Variants in ACOXL observed in about 807,000 individuals in gnomAD.
The protein encoded by ACOXL is acyl-CoA oxidase like, also known as acyl-coenzyme A oxidase-like protein.
ACOXL carries 70 observed loss-of-function variants against 71.9 expected under a neutral mutation model. The observed-to-expected ratio is 0.97, with a 90% confidence interval of 0.80 to 1.19. The LOEUF (loss-of-function observed/expected upper bound fraction) is 1.19, where lower values mean the gene tolerates loss of function less well. ACOXL is among the 50% of genes most tolerant of loss of function. The probability of loss-of-function intolerance (pLI) is 0.00; values close to 1 mark genes in which losing one functional copy is unlikely to be tolerated. For missense variants in ACOXL, 703 were observed against 736.3 expected (o/e 0.95, Z 0.52); for synonymous variants, 253 against 281.6 (o/e 0.90, Z 1.02).
rs567322224 is a variant in ACOXL, at chr2:111,072,840, T to C, written c.1441-20025T>C. 2.0e-5 allele frequency among the ~76,000 whole-genome samples: 3 copies of C among 152,342 alleles called. No individual in the cohort carries two copies. In the South Asian group the frequency reaches 6.2e-4, roughly 32 times the overall value. On this transcript the variant is annotated intron_variant, in intron 16 of 17. Coordinates refer to ENST00000439055, the MANE Select transcript of ACOXL (RefSeq NM_001142807.4). ...ACCCAGGAATGAATTTACTGGATTA[T>C]ATGGCAAGCATATAACTTTAGAAGA... is the stretch of plus-strand genomic sequence containing the variant.
At chr2:111,029,140 G>A (rs754053784) in intron 14 of ACOXL, among the ~76,000 whole-genome samples, 1 of 152,212 alleles carries the variant, frequency 6.6e-6, no homozygotes, top group Non-Finnish European at 1.5e-5. Flanking sequence ...GTTTTCTGGT[G>A]CATTTTTAAG....
chr2:111,031,828 C>G, intron 15 of ACOXL, 114 bp downstream of exon 15: 1 of 1,076,472 alleles, frequency 9.3e-7, no homozygotes, highest in South Asian at 1.4e-5. Flanking sequence ...AGGGACAGTC[C>G]GTGTGTTGAA....
chr2:110,998,462 C>T (rs1434805912), intron 14 of ACOXL, among the ~76,000 whole-genome samples: 1 of 152,194 alleles, frequency 6.6e-6, no homozygotes, highest in Non-Finnish European at 1.5e-5. Context: ...TTTAAGTGAA[C>T]CCACAGCAAG....
intron 12 of ACOXL, among the ~76,000 whole-genome samples, chr2:110,986,424 A>G (rs1558829251): frequency 6.6e-6 from 1 of 152,194 alleles, no homozygotes; most frequent in African/African-American, 2.4e-5. Context: ...AGCTCACACG[A>G]CGTGGTTTTT....
At chr2:110,870,310 A>G (rs1464205265) in intron 10 of ACOXL, among the ~76,000 whole-genome samples, 2 of 150,726 alleles carry the variant, frequency 1.3e-5, no homozygotes, top group East Asian at 1.9e-4. Flanking sequence ...GTGTAGTGCC[A>G]TCGACTTCCT....
intron 10 of ACOXL, among the ~76,000 whole-genome samples, chr2:110,900,849 TG>T (rs1184662014): frequency 6.6e-6 from 1 of 152,210 alleles, no homozygotes; most frequent in Non-Finnish European, 1.5e-5. Context: ...GTGACCCTAC[TG>T]GTCCTTGTCA....
chr2:110,872,051 C>T (rs80099752), intron 10 of ACOXL, among the ~76,000 whole-genome samples: 6 of 152,226 alleles, frequency 3.9e-5, no homozygotes, highest in South Asian at 2.1e-4. Context: ...GTTGTTCACA[C>T]AAGCTGCATG....
chr2:110,915,580 C>T (rs1016987583), intron 11 of ACOXL, among the ~76,000 whole-genome samples: 4 of 151,346 alleles, frequency 2.6e-5, no homozygotes, highest in Non-Finnish European at 4.4e-5. Flanking sequence ...ACTGCAACCA[C>T]ACCCAGCTAA....
chr2:110,754,341 A>G (rs72830995), intron 1 of ACOXL, among the ~76,000 whole-genome samples: 8,154 of 152,022 alleles, frequency 0.054, 342 homozygotes, highest in African/African-American at 0.11. Flanking sequence ...CAAAGTGCTG[A>G]GATTACAGGT....
At chr2:111,039,264 C>G (rs185092279) in intron 15 of ACOXL, among the ~76,000 whole-genome samples, 1 of 152,232 alleles carries the variant, frequency 6.6e-6, no homozygotes, top group Non-Finnish European at 1.5e-5. Context: ...TCACAAGTGC[C>G]AGGAGGAAAA....
rs369283653 is a variant in ACOXL at position 110,798,739 on chromosome 2, C to T, written c.460+15C>T. On this transcript the variant is annotated intron_variant, in intron 6 of 17. Coordinates refer to ENST00000439055, the MANE Select transcript of ACOXL (RefSeq NM_001142807.4). ...AAGATCTCAAGGTTTGTTACCAATACAGACAACTAGAATAATTCTCTTCAT... is the reference window on the plus strand; with the variant it reads ...AAGATCTCAAGGTTTGTTACCAATATAGACAACTAGAATAATTCTCTTCAT... The T allele has an allele frequency of 8.4e-5, 134 of 1,600,282 alleles. No individual in the cohort carries two copies. The highest frequency in any genetic ancestry group is 1.1e-4 in the Non-Finnish European group (125 of 1,167,570).
intron 14 of ACOXL, among the ~76,000 whole-genome samples, chr2:111,012,010 T>TTA (rs1553456636): frequency 6.6e-6 from 1 of 151,956 alleles, no homozygotes; most frequent in African/African-American, 2.4e-5. Context: ...TAATAGAGAT[T>TTA]AAAAATACAT....
intron 10 of ACOXL, among the ~76,000 whole-genome samples, chr2:110,871,082 A>T (rs1695217237): frequency 6.6e-6 from 1 of 152,178 alleles, no homozygotes; most frequent in South Asian, 2.1e-4. Context: ...AGTATTTCTT[A>T]CATGTTGGAG....
chr2:111,030,455 T>G (rs1490720579), intron 14 of ACOXL, among the ~76,000 whole-genome samples: 2 of 152,030 alleles, frequency 1.3e-5, no homozygotes, highest in Non-Finnish European at 2.9e-5. Flanking sequence ...GAGGCACCCA[T>G]GACATTGTCC....
intron 14 of ACOXL, among the ~76,000 whole-genome samples, chr2:111,026,418 A>G (rs2149727038): frequency 6.6e-6 from 1 of 151,914 alleles, no homozygotes; most frequent in Middle Eastern, 3.4e-3. Flanking sequence ...CACAATGTAT[A>G]GTTCTCCGTT....
At chr2:110,895,299 A>G (rs952177185) in intron 10 of ACOXL, among the ~76,000 whole-genome samples, 2 of 152,188 alleles carry the variant, frequency 1.3e-5, no homozygotes, top group Admixed American at 1.3e-4. Context: ...GGATGGTCTC[A>G]ACAGAAAAAT....
chr2:111,102,501 C>T (rs563165570), intron 17 of ACOXL, among the ~76,000 whole-genome samples: 1 of 152,260 alleles, frequency 6.6e-6, no homozygotes, highest in Non-Finnish European at 1.5e-5. Flanking sequence ...GCTGCATTGT[C>T]CTGGTCTCCT....
intron 15 of ACOXL, among the ~76,000 whole-genome samples, chr2:111,043,183 G>C (rs2065864474): frequency 6.6e-6 from 1 of 152,092 alleles, no homozygotes; most frequent in African/African-American, 2.4e-5. Flanking sequence ...GGGCAGGCTG[G>C]GGGACAGTGA....
chr2:110,762,315 G>A (rs1392785026), intron 1 of ACOXL, among the ~76,000 whole-genome samples: 2 of 151,792 alleles, frequency 1.3e-5, no homozygotes, highest in Non-Finnish European at 2.9e-5. Context: ...TTTTAATTGT[G>A]GTATTTAAAC....
Sources: gnomAD v4.1 joint callset for allele counts (sites outside exome capture counted in the v4.1 genomes callset) on GRCh38, gnomAD v4.1.1 for gene constraint, MANE v1.5 for transcripts, NCBI Gene and HGNC (gene_info 2026-07-23, HGNC 2026-07-21) for gene names.